The following ZNF266 variants were observed in gnomAD, a reference collection of about 807,000 sequenced individuals.
ZNF266 encodes zinc finger protein 1.
In ZNF266, 16 loss-of-function variants were observed where a neutral mutation model predicts 16.4. The ratio of observed to expected loss-of-function variants is 0.98; its 90% CI spans 0.66 to 1.48. ZNF266 has a LOEUF of 1.48. Among genes scored for constraint, ZNF266 ranks in the 40% most tolerant of loss-of-function variants. The probability of loss-of-function intolerance (pLI) is 0.00; values close to 1 mark genes in which losing one functional copy is unlikely to be tolerated. For missense variants in ZNF266, 738 were observed against 689.1 expected (o/e 1.07, Z -0.79); for synonymous variants, 262 against 237.9 (o/e 1.10, Z -0.93).
rs1382089143 is a variant in ZNF266 at position 9,419,236 on chromosome 19, C to CA, written c.88dup (p.Cys30LeufsTer13). On this transcript the variant is annotated frameshift_variant, in exon 7 of 11. Transcript: ENST00000592904. LOFTEE classifies it high-confidence loss of function. Reference sequence around the variant, plus strand: ...GCATACCTGATAACAATTTGTCAGACAGTCAGCCACCACCCTTTCTACTTC... The same window carrying CA: ...GCATACCTGATAACAATTTGTCAGACAAGTCAGCCACCACCCTTTCTACTTC... The CA allele has an allele frequency of 6.5e-6, 1 of 154,100 alleles. No individual in the cohort carries two copies. Among genetic ancestry groups the CA allele is most frequent in the Non-Finnish European group, 1.5e-5 (1 of 68,480 alleles). The allele number at this position is 154,100 out of a possible 1,614,324, so 9.5% of individuals were successfully genotyped here.
intron 5 of ZNF266, among the ~76,000 whole-genome samples, chr19:9,425,499 G>A (rs964413359): frequency 1.3e-5 from 2 of 152,218 alleles, no homozygotes. Context: ...GACCAAAACA[G>A]AGGAAAATAT....
chr19:9,417,409 T>C (rs1415425076), intron 9 of ZNF266, among the ~76,000 whole-genome samples: 2 of 150,568 alleles, frequency 1.3e-5, no homozygotes, highest in African/African-American at 4.9e-5. Flanking sequence ...GCCTCAACAC[T>C]GTGAGATGAA....
At chr19:9,422,506 C>A (rs890378300) in intron 5 of ZNF266, among the ~76,000 whole-genome samples, 3 of 152,206 alleles carry the variant, frequency 2.0e-5, no homozygotes, top group African/African-American at 7.2e-5. Context: ...TTAGCCACCA[C>A]CCATGGCCTG....
chr19:9,413,149 CAT>C lies in ZNF266; in HGVS notation c.*124_*125del, dbSNP rs1302208095. 9.1e-6 allele frequency: 11 copies of C among 1,207,678 alleles called. No individual in the cohort carries two copies. Among genetic ancestry groups the C allele is most frequent in the Admixed American group, 2.5e-5 (1 of 39,824 alleles). The allele number at this position is 1,207,678 out of a possible 1,614,324, so 74.8% of individuals were successfully genotyped here. A position where few individuals can be genotyped will look rare whatever the true frequency, so the allele number is the denominator to read the frequency against. On this transcript the variant is annotated 3_prime_UTR_variant, in exon 11 of 11. Transcript: ENST00000592904. ...TGCAGGGTCTTCTCCACTGTGAATT[CAT>C]ATGTGTTCATTAAGACCTGAGATAC...
intron 5 of ZNF266, among the ~76,000 whole-genome samples, chr19:9,431,733 T>TC (rs1234120296): frequency 6.6e-6 from 1 of 151,954 alleles, no homozygotes; most frequent in African/African-American, 2.4e-5. Flanking sequence ...TATGACTAAC[T>TC]CCCGCCTGAG....
At chr19:9,417,941 G>A in intron 8 of ZNF266, 33 bp from the exon 9 acceptor site, 2 of 1,590,456 alleles carry the variant, frequency 1.3e-6, no homozygotes, top group Non-Finnish European at 1.7e-6. Context: ...TACCAGAAGA[G>A]GCTCATGCAA....
intron 5 of ZNF266, among the ~76,000 whole-genome samples, chr19:9,427,554 T>C (rs1255899452): frequency 7.2e-5 from 11 of 152,096 alleles, no homozygotes; most frequent in Admixed American, 7.2e-4. Flanking sequence ...CTTGAACTCC[T>C]GACCTCAAGT....
Position 9,435,092 on chromosome 19 carries a change from T to G in ZNF266, c.-472+16A>C, listed in dbSNP as rs2072269890. ...AGGAAGAAGCCCCCGAAACCAACTTTCACCCCAGTACTCACCGCGACGAGC... is the reference window on the plus strand; with the variant it reads ...AGGAAGAAGCCCCCGAAACCAACTTGCACCCCAGTACTCACCGCGACGAGC... On this transcript the variant is annotated intron_variant, in intron 2 of 10. Coordinates refer to ENST00000592904, the MANE Select transcript of ZNF266 (RefSeq NM_001370374.1). 1 of 151,972 alleles carries G rather than the reference T, an allele frequency of 6.6e-6. No homozygotes were observed. The highest frequency in any genetic ancestry group is 2.4e-5 in the African/African-American group (1 of 41,352). 9.4% of individuals were successfully genotyped at this position (151,972 alleles called of 1,614,324 possible).
Position 9,413,773 on chromosome 19 carries a change from T to A in ZNF266, c.1353A>T (p.Glu451Asp). The stretch of plus-strand genomic sequence containing the variant: ...AGGATCTGGCAAAGGCCTTTCCACA[T>A]TCCTTACATTCATAGGGCCTCTCTC... ...HSGERPYECK[E>D]CGKAFARSSR... The change falls in exon 11 of 11, where the codon GAA (glutamate) becomes GAT (aspartate). Residue 451 changes from glutamate to aspartate, a missense_variant. Glu to Asp is a conservative substitution (Grantham distance 45). Coordinates refer to ENST00000592904, the MANE Select transcript of ZNF266 (RefSeq NM_001370374.1). The A allele has an allele frequency of 1.2e-6, 2 of 1,613,928 alleles. No homozygotes were observed. The highest frequency in any genetic ancestry group is 1.7e-6 in the Non-Finnish European group (2 of 1,179,980).
intron 5 of ZNF266, among the ~76,000 whole-genome samples, chr19:9,430,372 C>CACCT (rs148727083): frequency 0.56 from 85,017 of 151,304 alleles, 24,058 homozygotes; most frequent in Middle Eastern, 0.63. Flanking sequence ...TTTTAAAGAC[C>CACCT]TTTCCTGAAC....
intron 9 of ZNF266, among the ~76,000 whole-genome samples, chr19:9,416,069 G>A (rs547693005): frequency 5.3e-5 from 8 of 152,038 alleles, no homozygotes; most frequent in Middle Eastern, 3.4e-3. Flanking sequence ...TGATCCACAC[G>A]CCTCAGCCCC....
chr19:9,416,644 G>A (rs868289369), intron 9 of ZNF266, among the ~76,000 whole-genome samples: 3 of 144,162 alleles, frequency 2.1e-5, no homozygotes, highest in Non-Finnish European at 3.0e-5. Context: ...GATTACAGAC[G>A]TGAGCCACCG....
intron 9 of ZNF266, 21 bp downstream of exon 9, chr19:9,417,807 C>CG: frequency 6.2e-7 from 1 of 1,605,298 alleles, no homozygotes. Context: ...TTGACCAGGG[C>CG]GGTCCTTTGT....
intron 5 of ZNF266, among the ~76,000 whole-genome samples, chr19:9,427,946 A>C (rs1484246943): frequency 6.6e-6 from 1 of 151,692 alleles, no homozygotes; most frequent in African/African-American, 2.4e-5. Context: ...ATCAACAAGC[A>C]CTCCTATTAA....
At position 9,414,561 on chromosome 19, in the gene ZNF266, T is replaced by C. The variant is rs1202730317; in HGVS notation, c.565A>G (p.Thr189Ala). 2 of 1,613,708 alleles carry C rather than the reference T, an allele frequency of 1.2e-6. No homozygotes were observed. The highest frequency in any genetic ancestry group is 1.7e-5 in the Admixed American group (1 of 60,010). Residue 189 changes from threonine (T) to alanine (A), a missense_variant, in exon 11 of 11, where the codon ACC (threonine) becomes GCC (alanine). Physicochemically the swap from Thr to Ala is moderately conservative, Grantham distance 58 (BLOSUM62 0). Transcript: ENST00000592904. ...ACAGAACGTTGCTCTCCAGTAGAGG[T>C]TTTCTTGTGCAGAGTAAGGAAGTCT... ...GVDFLTLHKK[T>A]STGEQRSVFS...
chr19:9,418,394 A>T, intron 8 of ZNF266, 111 bp downstream of exon 8: 1 of 1,196,852 alleles, frequency 8.4e-7, no homozygotes, highest in Non-Finnish European at 1.2e-6. Context: ...GGCAGGGACT[A>T]TGTCTGTTAT....
chr19:9,424,841 G>A (rs887109698), intron 5 of ZNF266, among the ~76,000 whole-genome samples: 1 of 152,204 alleles, frequency 6.6e-6, no homozygotes, highest in Non-Finnish European at 1.5e-5. Context: ...TCCTTTGGGG[G>A]TGGGTGAGGA....
At chr19:9,433,400 A>G (rs2071938215) in intron 5 of ZNF266, among the ~76,000 whole-genome samples, 1 of 152,186 alleles carries the variant, frequency 6.6e-6, no homozygotes, top group African/African-American at 2.4e-5. Flanking sequence ...ACATTCCTTC[A>G]GGGAAACGAA....
chr19:9,426,044 C>T (rs973357757), intron 5 of ZNF266, among the ~76,000 whole-genome samples: 1 of 152,140 alleles, frequency 6.6e-6, no homozygotes, highest in Non-Finnish European at 1.5e-5. Flanking sequence ...ACAGTAGCAA[C>T]CCCTTCACTG....
Sources: allele counts gnomAD v4.1 joint callset (sites outside exome capture counted in the v4.1 genomes callset), GRCh38; gene constraint gnomAD v4.1.1; transcripts MANE v1.5; gene names NCBI Gene and HGNC (gene_info 2026-07-23, HGNC 2026-07-21).